CARF: variants seen among roughly 807,000 people sequenced by gnomAD.
The protein encoded by CARF is calcium responsive transcription factor.
CARF carries 57 observed loss-of-function variants against 82.0 expected under a neutral mutation model. The observed-to-expected ratio is 0.70, with a 90% CI of 0.56 to 0.87. The LOEUF is 0.87. Ranked by LOEUF, CARF falls within the 40% of genes least tolerant of loss-of-function variation. CARF has a pLI of 0.00. For missense variants in CARF, 771 were observed against 855.8 expected (o/e 0.90, Z 1.24); for synonymous variants, 268 against 290.1 (o/e 0.92, Z 0.77).
rs771723949 is a variant in CARF at position 202,982,315 on chromosome 2, A to G, written c.1933A>G (p.Met645Val). The stretch of plus-strand genomic sequence containing the variant: ...AGAACCAGATCAAAATCTAGTTGCA[A>G]TGGACGAGCTGGTAGAAGTTGGAGA... Reference protein sequence around the residue: ...LPEPDQNLVAMDELVEVGDVE... With the variant: ...LPEPDQNLVAVDELVEVGDVE... The change falls in exon 16 of 17, where the codon ATG (methionine) becomes GTG (valine). Residue 645 changes from methionine (M) to valine (V), a missense_variant. Transcript: ENST00000438828. The G allele has an allele frequency of 6.2e-6, 10 of 1,614,038 alleles. No homozygotes were observed. The African/African-American group carries it at 8.0e-5, about 13-fold the overall frequency.
intron 6 of CARF, 52 bp downstream of exon 6, chr2:202,952,731 A>G (rs767465012): frequency 3.7e-5 from 57 of 1,544,234 alleles, no homozygotes; most frequent in Middle Eastern, 1.7e-4. Flanking sequence ...AAACATAAAT[A>G]TTTTAGAAAA....
intron 5 of CARF, 38 bp from the exon 6 acceptor site, chr2:202,952,521 G>A: frequency 2.5e-6 from 4 of 1,603,990 alleles, no homozygotes; most frequent in Non-Finnish European, 3.4e-6. Flanking sequence ...ATCAGTCTAG[G>A]CATATGCATT....
rs372267166 is a variant in CARF, at chr2:202,941,899, C to A, written c.-4C>A. On this transcript the variant is annotated 5_prime_UTR_variant, in exon 4 of 17. An upstream open reading frame in the 5' UTR gains an earlier in-frame stop. Coordinates refer to ENST00000438828, the MANE Select transcript of CARF (RefSeq NM_024744.17). Reference sequence around the variant, plus strand: ...AAGAAAATGGAATTGAATATGATGTCAGCATGGAACAATCTAATGATTCAT... The same window carrying A: ...AAGAAAATGGAATTGAATATGATGTAAGCATGGAACAATCTAATGATTCAT... The A allele has an allele frequency of 4.5e-5, 72 of 1,609,452 alleles. No homozygotes were observed. The highest frequency in any genetic ancestry group is 1.5e-4 in the Admixed American group (9 of 59,870).
chr2:202,956,799 A>C (rs1315351119), intron 8 of CARF, among the ~76,000 whole-genome samples: 1 of 150,348 alleles, frequency 6.7e-6, no homozygotes, highest in Non-Finnish European at 1.5e-5. Context: ...TTTCTTTTTT[A>C]TTTTTTTGAG....
chr2:202,985,338 T>C lies in CARF; in HGVS notation c.*1714T>C, dbSNP rs2060398340. ...CAGGTACATGACATGTATCTAAATA[T>C]AAAGTACTGTTATAGTAGAGGTAGG... On this transcript the variant is annotated 3_prime_UTR_variant, in exon 17 of 17. Transcript: ENST00000438828. 1 of 152,102 alleles carries C rather than the reference T, an allele frequency of 6.6e-6. No homozygotes were observed. The highest frequency in any genetic ancestry group is 2.4e-5 in the African/African-American group (1 of 41,442). The allele number at this position is 152,102 out of a possible 1,614,324, so 9.4% of individuals were successfully genotyped here.
Position 202,955,698 on chromosome 2 carries a change from G to T in CARF, c.582G>T (p.Gly194=). The stretch of plus-strand genomic sequence containing the variant: ...GAATGCTGGAAGAACCCCTTCTGGG[G>T]CCTCTTCAGCCACTTTCTTCTAATA... ...VTGMLEEPLL[G]PLQPLSSNTP... is the part of the protein sequence containing the mutation. Residue 194 remains glycine, a synonymous_variant, in exon 8 of 17, where the codon GGG becomes GGT. Transcript: ENST00000438828. 1 of 1,609,384 alleles carries T rather than the reference G, an allele frequency of 6.2e-7. No homozygotes were observed. The highest frequency in any genetic ancestry group is 8.5e-7 in the Non-Finnish European group (1 of 1,177,402).
At chr2:202,947,052 G>A (rs1394393464) in intron 5 of CARF, among the ~76,000 whole-genome samples, 2 of 152,208 alleles carry the variant, frequency 1.3e-5, no homozygotes, top group African/African-American at 2.4e-5. Flanking sequence ...TTTGGCCATT[G>A]TGGAAGACAG....
At chr2:202,918,136 A>T in intron 2 of CARF, 93 bp downstream of exon 2, 1 of 375,528 alleles carries the variant, frequency 2.7e-6, no homozygotes, top group Non-Finnish European at 5.2e-6. Context: ...TACCCTTTGT[A>T]TATAGGTGCT....
chr2:202,974,833 AG>A (rs1426385512), intron 13 of CARF, among the ~76,000 whole-genome samples: 1 of 152,090 alleles, frequency 6.6e-6, no homozygotes, highest in African/African-American at 2.4e-5. Context: ...CAGGAGGCGG[AG>A]TTTGCAGTGA....
At chr2:202,949,884 G>A (rs1230866511) in intron 5 of CARF, among the ~76,000 whole-genome samples, 1 of 152,152 alleles carries the variant, frequency 6.6e-6, no homozygotes, top group Non-Finnish European at 1.5e-5. Flanking sequence ...TATTAGTAAA[G>A]ATTCTGTAGT....
At chr2:202,944,808 A>G (rs1288555907) in intron 5 of CARF, among the ~76,000 whole-genome samples, 1 of 3,302 alleles carries the variant, frequency 3.0e-4, no homozygotes, top group Non-Finnish European at 4.7e-3. Flanking sequence ...TTTTTTCCAA[A>G]GGAAGATCAA....
intron 10 of CARF, among the ~76,000 whole-genome samples, chr2:202,968,331 A>T (rs2059636742): frequency 6.6e-6 from 1 of 151,986 alleles, no homozygotes; most frequent in Admixed American, 6.6e-5. Context: ...GAATCCAGGA[A>T]ACGGAGGTTG....
At chr2:202,973,789 T>C (rs1281954481) in intron 12 of CARF, among the ~76,000 whole-genome samples, 2 of 152,166 alleles carry the variant, frequency 1.3e-5, no homozygotes, top group African/African-American at 4.8e-5. Context: ...TTTAAATTCA[T>C]AAAAATATCA....
chr2:202,974,759 C>T (rs776776527), intron 13 of CARF, among the ~76,000 whole-genome samples: 2 of 151,680 alleles, frequency 1.3e-5, no homozygotes, highest in African/African-American at 2.4e-5. Context: ...ATTGGGTGGG[C>T]GTGATGGTGG....
chr2:202,937,417 TC>T (rs1178068883), intron 3 of CARF, among the ~76,000 whole-genome samples: 2 of 152,104 alleles, frequency 1.3e-5, no homozygotes, highest in African/African-American at 4.8e-5. Context: ...TTTTCAAGCA[TC>T]TCAGGACTTT....
At chr2:202,942,059 T>C in intron 4 of CARF, 79 bp downstream of exon 4, 1 of 1,116,916 alleles carries the variant, frequency 9.0e-7, no homozygotes, top group East Asian at 2.4e-5. Context: ...GCTCAAGGGA[T>C]AGCTGTTATA....
rs1559299283 is a variant in CARF, at chr2:202,986,893, T to TATATATAC, written c.*3276_*3277insCATATATA. 6.9e-4 allele frequency: 92 copies of TATATATAC among 132,466 alleles called. No homozygotes were observed. Among genetic ancestry groups the TATATATAC allele is most frequent in the Middle Eastern group, 3.9e-3 (1 of 256 alleles). The allele number at this position is 132,466 out of a possible 1,614,324, so 8.2% of individuals were successfully genotyped here. A position where few individuals can be genotyped will look rare whatever the true frequency, so the allele number is the denominator to read the frequency against. ...GTATATATATATATATATATATATATATATATATATATATAGCAACTTGAT... is the reference window on the plus strand; with the variant it reads ...GTATATATATATATATATATATATATATATATACATATATATATATATAGCAACTTGAT... On this transcript the variant is annotated 3_prime_UTR_variant, in exon 17 of 17. Coordinates refer to ENST00000438828, the MANE Select transcript of CARF (RefSeq NM_024744.17).
intron 9 of CARF, 198 bp downstream of exon 9, chr2:202,961,624 A>G (rs1022331796): frequency 1.1e-5 from 6 of 560,914 alleles, no homozygotes; most frequent in East Asian, 8.6e-5. Context: ...TAATATATCA[A>G]TGAATAAATA....
chr2:202,937,773 C>T (rs567605776), intron 3 of CARF, among the ~76,000 whole-genome samples: 3 of 151,868 alleles, frequency 2.0e-5, no homozygotes, highest in South Asian at 2.1e-4. Flanking sequence ...TATAGGCGTG[C>T]GCCACCACGC....
Sources: allele counts gnomAD v4.1 joint callset (sites outside exome capture counted in the v4.1 genomes callset), GRCh38; gene constraint gnomAD v4.1.1; transcripts MANE v1.5; gene names NCBI Gene and HGNC (gene_info 2026-07-23, HGNC 2026-07-21).